The following PIGU variants were observed in gnomAD, a reference collection of about 807,000 sequenced individuals.
PIGU encodes the protein GPI-anchor transamidase component PIGU.
In PIGU, 24 loss-of-function variants were observed where a neutral mutation model predicts 49.9. That is an observed-to-expected ratio of 0.48 (90% confidence interval 0.35 to 0.68). The LOEUF (loss-of-function observed/expected upper bound fraction) is 0.68. Among genes scored for constraint, PIGU ranks in the 30% least tolerant of loss-of-function variants. The pLI is 0.01. For missense variants in PIGU, 490 were observed against 532.6 expected (o/e 0.92, Z 0.79); for synonymous variants, 220 against 205.7 (o/e 1.07, Z -0.59).
chr20:34,581,108 T>G (rs1337186395), intron 10 of PIGU, among the ~76,000 whole-genome samples: 2 of 152,084 alleles, frequency 1.3e-5, no homozygotes, highest in Non-Finnish European at 2.9e-5. Flanking sequence ...ACAGAGGACT[T>G]TTTCATCATC....
chr20:34,623,482 G>A (rs1985327170), intron 6 of PIGU, among the ~76,000 whole-genome samples: 1 of 152,094 alleles, frequency 6.6e-6, no homozygotes, highest in African/African-American at 2.4e-5. Flanking sequence ...CATGAAGTGG[G>A]TACAATTACT....
chr20:34,589,115 ACACAC>A (rs1415301317), intron 7 of PIGU, among the ~76,000 whole-genome samples: 1 of 46,050 alleles, frequency 2.2e-5, no homozygotes, highest in East Asian at 6.9e-4. Flanking sequence ...ACACACACAC[ACACAC>A]ACACACACAC....
chr20:34,657,098 T>C, intron 2 of PIGU, 82 bp downstream of exon 2: 1 of 1,073,104 alleles, frequency 9.3e-7, no homozygotes, highest in Non-Finnish European at 1.4e-6. Context: ...TTTTAAATGT[T>C]TGTACAAAAC....
At chr20:34,612,060 G>A (rs957811333) in intron 7 of PIGU, among the ~76,000 whole-genome samples, 2 of 152,040 alleles carry the variant, frequency 1.3e-5, no homozygotes, top group African/African-American at 4.8e-5. Context: ...ATATGCACAC[G>A]TATGTTTACT....
chr20:34,563,717 A>G (rs146940389), intron 11 of PIGU, among the ~76,000 whole-genome samples: 136 of 151,668 alleles, frequency 9.0e-4, no homozygotes, highest in African/African-American at 3.0e-3. Flanking sequence ...ATTCTTGTCC[A>G]CTCTGCATCT....
chr20:34,581,196 C>T (rs1054981984), intron 10 of PIGU, among the ~76,000 whole-genome samples: 1 of 152,122 alleles, frequency 6.6e-6, no homozygotes, highest in African/African-American at 2.4e-5. Flanking sequence ...TTAGAAGTCA[C>T]GTGACTTTGA....
chr20:34,582,898 G>C (rs1175398110), intron 9 of PIGU, among the ~76,000 whole-genome samples: 1 of 152,066 alleles, frequency 6.6e-6, no homozygotes, highest in Non-Finnish European at 1.5e-5. Flanking sequence ...GCCCCTCCGA[G>C]AGCTGACCAA....
intron 1 of PIGU, among the ~76,000 whole-genome samples, chr20:34,658,255 G>C (rs1349716476): frequency 1.3e-5 from 2 of 152,358 alleles, no homozygotes; most frequent in African/African-American, 4.8e-5. Flanking sequence ...TCGGCCTCCC[G>C]AGGTGCCGGG....
At chr20:34,621,308 GA>G (rs1246537109) in intron 6 of PIGU, among the ~76,000 whole-genome samples, 23 of 152,186 alleles carry the variant, frequency 1.5e-4, no homozygotes, top group African/African-American at 5.3e-4. Context: ...AAAAACTTAT[GA>G]AGTGTAATAC....
rs932670881 is a variant in PIGU, at chr20:34,623,787, C to T, written c.530-7648G>A. Among the ~76,000 whole-genome samples, 76 of 152,210 alleles carry T rather than the reference C, an allele frequency of 5.0e-4. 1 individual carries two copies. The highest frequency in any genetic ancestry group is 4.3e-3 in the Admixed American group (65 of 15,278). ...TAGATATTCTGGGATCAAACTGAGG[C>T]TCTTGAGGCTGCATGATTTGCTCAA... On this transcript the variant is annotated intron_variant, in intron 6 of 11. Transcript: ENST00000217446.
intron 2 of PIGU, among the ~76,000 whole-genome samples, chr20:34,648,349 CT>C (rs1366399858): frequency 6.6e-6 from 1 of 151,160 alleles, no homozygotes; most frequent in Non-Finnish European, 1.5e-5. Context: ...TGTAGAATTA[CT>C]ATATCTTCTG....
chr20:34,562,708 T>C (rs1020354560), intron 11 of PIGU: 7 of 550,492 alleles, frequency 1.3e-5, no homozygotes, highest in Non-Finnish European at 2.1e-5. Context: ...CCCAGATCAC[T>C]GATGAGCACG....
intron 1 of PIGU, among the ~76,000 whole-genome samples, chr20:34,673,062 G>T (rs1337133642): frequency 6.6e-6 from 1 of 151,824 alleles, no homozygotes; most frequent in African/African-American, 2.4e-5. Flanking sequence ...AGACCATCCT[G>T]GCTAACATGG....
intron 7 of PIGU, among the ~76,000 whole-genome samples, chr20:34,611,648 G>GAAAAAAAAAAAAAAAAGAA (rs1984816142): frequency 1.5e-5 from 1 of 65,010 alleles, no homozygotes; most frequent in African/African-American, 5.6e-5. Flanking sequence ...TCAAGTCTCA[G>GAAAAAAAAAAAAAAAAGAA]AAAAAAAAAA....
intron 1 of PIGU, among the ~76,000 whole-genome samples, chr20:34,658,677 C>A (rs1043493171): frequency 6.6e-6 from 1 of 151,680 alleles, no homozygotes; most frequent in Non-Finnish European, 1.5e-5. Context: ...CGTCTCTGCC[C>A]AGCCGCCCCG....
chr20:34,596,359 A>G (rs1455766383), intron 7 of PIGU, among the ~76,000 whole-genome samples: 1 of 152,200 alleles, frequency 6.6e-6, no homozygotes, highest in African/African-American at 2.4e-5. Flanking sequence ...CCTAAATATG[A>G]TCCTGAAACA....
At chr20:34,665,226 C>A (rs1987051026) in intron 1 of PIGU, among the ~76,000 whole-genome samples, 2 of 47,788 alleles carry the variant, frequency 4.2e-5, no homozygotes, top group Non-Finnish European at 7.5e-5. Flanking sequence ...TTTTTTGAGA[C>A]TGAGTCTCGC....
intron 7 of PIGU, among the ~76,000 whole-genome samples, chr20:34,609,220 A>T (rs1293211959): frequency 6.6e-6 from 1 of 152,116 alleles, no homozygotes; most frequent in East Asian, 1.9e-4. Flanking sequence ...AGGCAGGGGG[A>T]CTGCTTGAAC....
chr20:34,583,483 G>A (rs1884669), intron 9 of PIGU, among the ~76,000 whole-genome samples: 66,183 of 152,084 alleles, frequency 0.44, 15,053 homozygotes, highest in Non-Finnish European at 0.5. Context: ...AGACAGCAGG[G>A]AGAGCAGGTC....
Sources: allele counts gnomAD v4.1 joint callset (sites outside exome capture counted in the v4.1 genomes callset), GRCh38; gene constraint gnomAD v4.1.1; transcripts MANE v1.5; gene names NCBI Gene and HGNC (gene_info 2026-07-23, HGNC 2026-07-21).